CARD14: variants seen among roughly 807,000 people sequenced by gnomAD.
CARD14 encodes the protein caspase recruitment domain family member 14, also known as caspase recruitment domain-containing protein 14.
Under a neutral mutation model 111.5 loss-of-function variants are expected in CARD14, and 107 were observed. The observed-to-expected ratio is 0.96, with a 90% CI of 0.82 to 1.13. The LOEUF is 1.13. Among genes scored for constraint, CARD14 ranks in the 50% most tolerant of loss-of-function variants. CARD14 has a pLI of 0.00. For missense variants in CARD14, 1,322 were observed against 1,362.3 expected (o/e 0.97, Z 0.47); for synonymous variants, 617 against 579.6 (o/e 1.06, Z -0.93).
rs535721220 is a variant in CARD14, at chr17:80,191,390, G to T, written c.1157G>T (p.Arg386Leu). The T allele has an allele frequency of 6.2e-6, 10 of 1,613,912 alleles. No individual in the cohort carries two copies. Among genetic ancestry groups the T allele is most frequent in the South Asian group, 5.5e-5 (5 of 91,076 alleles). The change falls in exon 11 of 24, where the codon CGC becomes CTC. Residue 386 changes from arginine (R) to leucine (L), a missense_variant. By Grantham distance (102) the Arg-to-Leu change is moderately radical. Transcript: ENST00000648509. ...SQSLVEKDSL[R>L]RQVFELTDQV... ...AGCCTGGTGGAGAAGGACTCCCTCCGCAGGCAGGTGTTCGAGCTGACGGAC... is the reference window on the plus strand; with the variant it reads ...AGCCTGGTGGAGAAGGACTCCCTCCTCAGGCAGGTGTTCGAGCTGACGGAC...
chr17:80,186,053 G>A (rs1299105501), intron 7 of CARD14, among the ~76,000 whole-genome samples: 4 of 152,204 alleles, frequency 2.6e-5, no homozygotes, highest in African/African-American at 4.8e-5. Flanking sequence ...GGTGTGGGGC[G>A]CTGAGACCAG....
intron 12 of CARD14, among the ~76,000 whole-genome samples, chr17:80,193,566 G>T (rs1430599084): frequency 6.6e-6 from 1 of 152,212 alleles, no homozygotes; most frequent in Non-Finnish European, 1.5e-5. Flanking sequence ...AGTGCCACAG[G>T]ATGCCGGGAG....
rs368094768 is a variant in CARD14 at position 80,190,612 on chromosome 17, CAA to C, written c.964-146_964-145del. 8.0e-4 allele frequency among the ~76,000 whole-genome samples: 107 copies of C among 134,358 alleles called. No homozygotes were observed. The Middle Eastern group carries it at 0.015, about 19-fold the overall frequency. The allele number at this position is 134,358 out of a possible 152,430, so 88.1% of individuals were successfully genotyped here. The stretch of plus-strand genomic sequence containing the variant: ...TTGGCATCGCAGCGAGTCTCTGTCT[CAA>C]AAAAAAAAAAAAAAAGAGAGAGAGA... On this transcript the variant is annotated intron_variant, in intron 9 of 23. Coordinates refer to ENST00000648509, the MANE Select transcript of CARD14 (RefSeq NM_001366385.1).
chr17:80,199,316 C>T (rs1159654990), intron 16 of CARD14, among the ~76,000 whole-genome samples: 2 of 151,190 alleles, frequency 1.3e-5, no homozygotes, highest in Non-Finnish European at 2.9e-5. Context: ...GGCGAAACCC[C>T]GTCTCTACTA....
Position 80,198,814 on chromosome 17 carries a change from C to CG in CARD14, c.1851+224dup. The CG allele has an allele frequency of 2.7e-6, 4 of 1,477,534 alleles. No homozygotes were observed. Among genetic ancestry groups the CG allele is most frequent in the Non-Finnish European group, 3.6e-6 (4 of 1,119,634 alleles). 91.5% of individuals were successfully genotyped at this position (1,477,534 alleles called of 1,614,324 possible). A position where few individuals can be genotyped will look rare whatever the true frequency, so the allele number is the denominator to read the frequency against. On this transcript the variant is annotated intron_variant, in intron 16 of 23. Transcript: ENST00000648509. The surrounding 1 kb of genome is among the most constrained non-coding windows in gnomAD (Gnocchi z 7.5). ...CACCCGTGGTGCTGCTGCCATGCGGCGCTTCTGACCAGGGGTCTTTGCATG... is the reference window on the plus strand; with the variant it reads ...CACCCGTGGTGCTGCTGCCATGCGGCGGCTTCTGACCAGGGGTCTTTGCATG...
intron 7 of CARD14, 120 bp downstream of exon 7, chr17:80,184,358 C>T: frequency 2.2e-6 from 2 of 906,572 alleles, no homozygotes; most frequent in Non-Finnish European, 3.1e-6. Flanking sequence ...ACTTCCCTGC[C>T]CCGAGAGCCT....
Position 80,207,016 on chromosome 17 carries a change from T to C in CARD14, c.2738T>C (p.Leu913Pro), listed in dbSNP as rs766816713. Residue 913 changes from leucine to proline, a missense_variant, in exon 23 of 24, where the codon CTG (leucine) becomes CCG (proline). Coordinates refer to ENST00000648509, the MANE Select transcript of CARD14 (RefSeq NM_001366385.1). ...GTCCAGCTGGACAGTGTCTGCACCC[T>C]GCACAGGATGGACATCTTCCCCATC... is the stretch of plus-strand genomic sequence containing the variant. ...LDVQLDSVCTLHRMDIFPIVI... is the reference protein window; with the variant it reads ...LDVQLDSVCTPHRMDIFPIVI... 6.2e-7 allele frequency: 1 copy of C among 1,614,018 alleles called. No individual in the cohort carries two copies. Among genetic ancestry groups the C allele is most frequent in the Admixed American group, 1.7e-5 (1 of 60,020 alleles).
At chr17:80,200,383 C>A (rs1266572755) in intron 16 of CARD14, among the ~76,000 whole-genome samples, 1 of 151,702 alleles carries the variant, frequency 6.6e-6, no homozygotes, top group Admixed American at 6.6e-5. Flanking sequence ...ATTACAGGTG[C>A]CCGCCACCAC....
intron 14 of CARD14, chr17:80,196,255 A>AC (rs1213906325): frequency 1.3e-5 from 2 of 151,940 alleles, no homozygotes; most frequent in East Asian, 1.9e-4. Flanking sequence ...TTTGGAATTC[A>AC]CCCCATGGCC....
intron 12 of CARD14, 81 bp downstream of exon 12, chr17:80,192,700 G>A: frequency 1.1e-6 from 1 of 936,866 alleles, no homozygotes; most frequent in Non-Finnish European, 1.7e-6. Flanking sequence ...ACGAAAGTGA[G>A]CCTCCTTCCA....
chr17:80,208,094 T>G (rs1260064907), intron 23 of CARD14, 44 bp from the exon 24 acceptor site: 11 of 1,424,146 alleles, frequency 7.7e-6, no homozygotes, highest in Non-Finnish European at 1.0e-5. Flanking sequence ...TCCTGGGCCC[T>G]TGCTCTCCCC....
rs181876183 is a variant in CARD14 at position 80,198,373 on chromosome 17, C to T, written c.1659-26C>T. The T allele has an allele frequency of 3.7e-4, 587 of 1,579,752 alleles. 2 individuals are homozygous for T. The highest frequency in any genetic ancestry group is 4.1e-4 in the Non-Finnish European group (481 of 1,160,838). On this transcript the variant is annotated intron_variant, in intron 15 of 23. Transcript: ENST00000648509. The surrounding 1 kb of genome is among the most constrained non-coding windows in gnomAD (Gnocchi z 7.5). ...CGGCTCTCCTGCTCTGGGCAGTGCA[C>T]AAGCCGGTCGTCTCCCGGCCTGCAG...
At chr17:80,202,447 G>A (rs201022318) in intron 18 of CARD14, 27 bp downstream of exon 18, 32 of 1,601,744 alleles carry the variant, frequency 2.0e-5, no homozygotes, top group Admixed American at 1.8e-4. Flanking sequence ...AGCTCGGTGC[G>A]TCCCCAGAGA....
At position 80,204,199 on chromosome 17, in the gene CARD14, C is replaced by T. The variant is rs552556453; in HGVS notation, c.2284-28C>T. On this transcript the variant is annotated intron_variant, in intron 19 of 23. Transcript: ENST00000648509. ...CCTGTTGATGGCTTCAACAGCTCCT[C>T]CTCATCCTTTCTCTGTCCCTCCTTT... 3.2e-6 allele frequency: 5 copies of T among 1,563,466 alleles called. No homozygotes were observed. In the African/African-American group the frequency reaches 4.1e-5, roughly 13 times the overall value.
In CARD14 at chr17:80,188,368, A is replaced by AC. The variant is rs959431928; in HGVS notation, c.676-7dup. 1 of 1,605,080 alleles carries AC rather than the reference A, an allele frequency of 6.2e-7. No individual in the cohort carries two copies. The highest frequency in any genetic ancestry group is 1.3e-5 in the African/African-American group (1 of 74,452). On this transcript the variant is annotated splice_polypyrimidine_tract_variant and intron_variant, in intron 7 of 23. Coordinates refer to ENST00000648509, the MANE Select transcript of CARD14 (RefSeq NM_001366385.1). The surrounding 1 kb of genome is among the most constrained non-coding windows in gnomAD (Gnocchi z 4.5). Reference sequence around the variant, plus strand: ...CCATCGCCCTTCCTGTCGCCTCCCCACCGCACAGCTGTATCTACTGAAGCA... The same window carrying AC: ...CCATCGCCCTTCCTGTCGCCTCCCCACCCGCACAGCTGTATCTACTGAAGCA...
In CARD14 at chr17:80,207,449, G is replaced by A. The variant is rs138020594; in HGVS notation, c.2807+364G>A. ...GCCTGTAATCCCAGCTACTCGGGAG[G>A]CTGAGACATGATAATTACTTGAACT... is the stretch of plus-strand genomic sequence containing the variant. On this transcript the variant is annotated intron_variant, in intron 23 of 23. Transcript: ENST00000648509. 119 of 176,680 alleles carry A rather than the reference G, an allele frequency of 6.7e-4. 1 individual carries two copies. Among genetic ancestry groups the A allele is most frequent in the African/African-American group, 2.6e-3 (109 of 41,912 alleles). 10.9% of individuals were successfully genotyped at this position (176,680 alleles called of 1,614,324 possible).
chr17:80,190,121 G>A lies in CARD14; in HGVS notation c.963+249G>A, dbSNP rs911153589. Among the ~76,000 whole-genome samples, 3 of 152,188 alleles carry A rather than the reference G, an allele frequency of 2.0e-5. No homozygotes were observed. The South Asian group carries it at 6.2e-4, about 32-fold the overall frequency. ...AGGGGATTTCAGGGCCCAGGCCCCG[G>A]GGAGAGCCAGGGACTTAGGTGAGGA... On this transcript the variant is annotated intron_variant, in intron 9 of 23. Transcript: ENST00000648509.
At position 80,188,635 on chromosome 17, in the gene CARD14, G is replaced by T; in HGVS notation, c.843+91G>T. 2 of 1,283,582 alleles carry T rather than the reference G, an allele frequency of 1.6e-6. No individual in the cohort carries two copies. Among genetic ancestry groups the T allele is most frequent in the Non-Finnish European group, 2.0e-6 (2 of 990,300 alleles). 79.5% of individuals were successfully genotyped at this position (1,283,582 alleles called of 1,614,324 possible). ...GGTTTCTGACAGGTGGTTTAGTTAA[G>T]GTGAGGCTAAGAACAAGAGATGAAA... On this transcript the variant is annotated intron_variant, in intron 8 of 23. Coordinates refer to ENST00000648509, the MANE Select transcript of CARD14 (RefSeq NM_001366385.1). This position sits in a 1 kb window ranked among gnomAD's most constrained non-coding sequence, Gnocchi z 4.5.
At chr17:80,175,970 T>G (rs1370590315) in intron 2 of CARD14, among the ~76,000 whole-genome samples, 2 of 71,456 alleles carry the variant, frequency 2.8e-5, no homozygotes, top group Admixed American at 2.4e-4. Flanking sequence ...TTTTTTTTTT[T>G]TTTTTTTTTT....
Sources: allele counts gnomAD v4.1 joint callset (sites outside exome capture counted in the v4.1 genomes callset), GRCh38; gene constraint gnomAD v4.1.1; non-coding constraint Gnocchi (gnomAD v3.1); transcripts MANE v1.5; gene names NCBI Gene and HGNC (gene_info 2026-07-23, HGNC 2026-07-21).